The following RCOR3 variants were observed in gnomAD, a reference collection of about 807,000 sequenced individuals.
RCOR3 encodes the protein REST corepressor 3.
RCOR3 carries 13 observed loss-of-function variants against 64.1 expected under a neutral mutation model. The ratio of observed to expected loss-of-function variants is 0.20; its 90% CI spans 0.13 to 0.32. The LOEUF (loss-of-function observed/expected upper bound fraction) is 0.32, where lower values mean the gene tolerates loss of function less well. Ranked by LOEUF, RCOR3 falls within the 10% of genes least tolerant of loss-of-function variation. RCOR3 has a pLI of 1.00. For synonymous variants in RCOR3, 215 were observed against 239.0 expected, an observed-to-expected ratio of 0.90 and a Z score of 0.93; for missense variants, 489 against 701.2, an observed-to-expected ratio of 0.70 and a Z score of 3.42.
At chr1:211,277,572 A>G (rs142399212) in intron 5 of RCOR3, among the ~76,000 whole-genome samples, 1,841 of 152,376 alleles carry the variant, frequency 0.012, 14 homozygotes, top group Middle Eastern at 0.071. Context: ...ACAAAAGGTC[A>G]CATATTGTAT....
At chr1:211,263,471 G>T (rs1449290572) in intron 2 of RCOR3, among the ~76,000 whole-genome samples, 1 of 151,972 alleles carries the variant, frequency 6.6e-6, no homozygotes, top group African/African-American at 2.4e-5. Context: ...TTAGAATAAG[G>T]ATAAACATCA....
chr1:211,281,344 CTG>C (rs1430433804), intron 7 of RCOR3, among the ~76,000 whole-genome samples: 3 of 152,154 alleles, frequency 2.0e-5, no homozygotes, highest in Non-Finnish European at 4.4e-5. Flanking sequence ...TCTCAAAAAA[CTG>C]TGAGATTTGA....
chr1:211,261,079 C>T lies in RCOR3; in HGVS notation c.223+915C>T, dbSNP rs780810693. 366 of 152,338 alleles carry T rather than the reference C, an allele frequency of 2.4e-3. 1 individual carries two copies. Among genetic ancestry groups the T allele is most frequent in the Non-Finnish European group, 3.1e-3 (211 of 68,038 alleles). The allele number at this position is 152,338 out of a possible 1,614,324, so 9.4% of individuals were successfully genotyped here. On this transcript the variant is annotated intron_variant, in intron 2 of 11. Transcript: ENST00000419091. ...CTTCTCAGTTAAGGCTTTGGACAGA[C>T]TTTGAAAGGGACCCACCTTTTTTTT... is the stretch of plus-strand genomic sequence containing the variant.
intron 9 of RCOR3, 70 bp from the exon 10 acceptor site, chr1:211,304,012 TA>T (rs1357827461): frequency 2.5e-5 from 26 of 1,045,976 alleles, no homozygotes; most frequent in Admixed American, 1.5e-4. Context: ...GATGAAAATT[TA>T]AAAAAATAAG....
chr1:211,261,817 A>C (rs1694324558), intron 2 of RCOR3, among the ~76,000 whole-genome samples: 1 of 144,184 alleles, frequency 6.9e-6, no homozygotes, highest in Non-Finnish European at 1.5e-5. Flanking sequence ...GCTACTCGGG[A>C]GGCTGAGGCA....
At position 211,271,291 on chromosome 1, in the gene RCOR3, A is replaced by G. The variant is rs776519486; in HGVS notation, c.283A>G (p.Ser95Gly). Reference sequence around the variant, plus strand: ...GATGCTTGTATGGTCTCCATATCACAGTATCCCAGATGCCAAATGTAAGTT... The same window carrying G: ...GATGCTTGTATGGTCTCCATATCACGGTATCCCAGATGCCAAATGTAAGTT... ...GGMLVWSPYHSIPDAKLDEYI... is the reference protein window; with the variant it reads ...GGMLVWSPYHGIPDAKLDEYI... Residue 95 changes from serine (S) to glycine (G), a missense_variant, in exon 3 of 12, where the codon AGT (serine) becomes GGT (glycine). Coordinates refer to ENST00000419091, the MANE Select transcript of RCOR3 (RefSeq NM_001136223.3). 1.2e-6 allele frequency: 2 copies of G among 1,613,332 alleles called. No individual in the cohort carries two copies. The highest frequency in any genetic ancestry group is 3.3e-5 in the Admixed American group (2 of 59,994).
chr1:211,280,425 C>T (rs1697613732), intron 7 of RCOR3, among the ~76,000 whole-genome samples: 1 of 152,148 alleles, frequency 6.6e-6, no homozygotes, highest in South Asian at 2.1e-4. Flanking sequence ...ATTTGTATCC[C>T]CTAACACTTT....
At chr1:211,286,931 T>C (rs1698625101) in intron 7 of RCOR3, among the ~76,000 whole-genome samples, 1 of 152,224 alleles carries the variant, frequency 6.6e-6, no homozygotes, top group African/African-American at 2.4e-5. Flanking sequence ...CTGCAGTATA[T>C]CCTTTAGAAG....
At chr1:211,304,224 T>C in intron 10 of RCOR3, 84 bp downstream of exon 10, 1 of 972,970 alleles carries the variant, frequency 1.0e-6, no homozygotes, top group Non-Finnish European at 1.5e-6. Flanking sequence ...TCCCTTCCTT[T>C]AGAAATTGAT....
intron 3 of RCOR3, 94 bp downstream of exon 3, chr1:211,271,403 CATAAG>C: frequency 1.1e-6 from 1 of 878,472 alleles, no homozygotes; most frequent in Non-Finnish European, 1.8e-6. Flanking sequence ...TATAGATTCT[CATAAG>C]AAAACAGTTT....
intron 9 of RCOR3, among the ~76,000 whole-genome samples, chr1:211,300,028 A>G (rs1175740884): frequency 1.4e-5 from 2 of 148,036 alleles, no homozygotes; most frequent in Non-Finnish European, 3.0e-5. Flanking sequence ...TTAATCCTAT[A>G]CAGTTTCAAC....
At chr1:211,279,781 A>G (rs2102516634) in intron 7 of RCOR3, among the ~76,000 whole-genome samples, 1 of 152,282 alleles carries the variant, frequency 6.6e-6, no homozygotes, top group African/African-American at 2.4e-5. Context: ...ACGTGGTCCC[A>G]ATGATCAACT....
intron 3 of RCOR3, among the ~76,000 whole-genome samples, chr1:211,272,253 G>T (rs1226103023): frequency 6.6e-6 from 1 of 152,162 alleles, no homozygotes; most frequent in Non-Finnish European, 1.5e-5. Flanking sequence ...TATTCATCTG[G>T]CCTGAGACTG....
At chr1:211,311,458 A>T (rs1051541370) in intron 10 of RCOR3, among the ~76,000 whole-genome samples, 1 of 152,204 alleles carries the variant, frequency 6.6e-6, no homozygotes, top group Non-Finnish European at 1.5e-5. Flanking sequence ...TAATGTAGTC[A>T]GAAATGCTTA....
intron 8 of RCOR3, among the ~76,000 whole-genome samples, chr1:211,292,161 A>T (rs1429632096): frequency 6.6e-6 from 1 of 152,122 alleles, no homozygotes; most frequent in African/African-American, 2.4e-5. Flanking sequence ...GTAATGTTTG[A>T]CACTGTCAGC....
chr1:211,298,803 G>A (rs1222948165), intron 9 of RCOR3, among the ~76,000 whole-genome samples: 1 of 151,758 alleles, frequency 6.6e-6, no homozygotes, highest in Non-Finnish European at 1.5e-5. Context: ...TCAGGAGATC[G>A]AGACCATCCT....
At chr1:211,295,192 G>A (rs956515045) in intron 8 of RCOR3, among the ~76,000 whole-genome samples, 1 of 151,836 alleles carries the variant, frequency 6.6e-6, no homozygotes, top group African/African-American at 2.4e-5. Context: ...TATTTATCAT[G>A]TTATAGCAGA....
intron 2 of RCOR3, among the ~76,000 whole-genome samples, chr1:211,267,561 C>G (rs1695415570): frequency 6.6e-6 from 1 of 152,150 alleles, no homozygotes; most frequent in Non-Finnish European, 1.5e-5. Flanking sequence ...AGATGGGGCC[C>G]TTAATTACAA....
intron 2 of RCOR3, among the ~76,000 whole-genome samples, chr1:211,270,034 A>C (rs1026510525): frequency 2.0e-5 from 3 of 151,310 alleles, no homozygotes; most frequent in South Asian, 4.2e-4. Context: ...AGATTATATT[A>C]AGAAGAAGTT....
Sources: allele counts gnomAD v4.1 joint callset (sites outside exome capture counted in the v4.1 genomes callset), GRCh38; gene constraint gnomAD v4.1.1; transcripts MANE v1.5; gene names NCBI Gene and HGNC (gene_info 2026-07-23, HGNC 2026-07-21).